NCOA7: variants seen among roughly 807,000 people sequenced by gnomAD.
The protein encoded by NCOA7 is 140 kDa estrogen receptor-associated protein.
A neutral mutation model predicts 104.3 loss-of-function variants in NCOA7; 45 were observed. The ratio of observed to expected loss-of-function variants is 0.43; its 90% CI spans 0.34 to 0.55. NCOA7 has a LOEUF of 0.55. Ranked by LOEUF, NCOA7 falls within the 20% of genes least tolerant of loss-of-function variation. The pLI is 0.02. For missense variants in NCOA7, 1,041 were observed against 1,119.7 expected, an observed-to-expected ratio of 0.93 and a Z score of 1.00; for synonymous variants, 398 against 402.3, an observed-to-expected ratio of 0.99 and a Z score of 0.13.
intron 2 of NCOA7, among the ~76,000 whole-genome samples, chr6:125,820,349 C>T (rs1317630471): frequency 3.3e-5 from 5 of 152,230 alleles, no homozygotes; most frequent in Non-Finnish European, 5.9e-5. Flanking sequence ...CTTTACCTTA[C>T]ATTTCTTCAG....
At chr6:125,782,666 A>T (rs1485706952) in intron 1 of NCOA7, among the ~76,000 whole-genome samples, 1 of 152,186 alleles carries the variant, frequency 6.6e-6, no homozygotes, top group Non-Finnish European at 1.5e-5. Context: ...GTCAATTTAA[A>T]TATTTCTTCT....
chr6:125,909,734 C>T (rs1242127838), intron 10 of NCOA7, among the ~76,000 whole-genome samples: 3 of 151,876 alleles, frequency 2.0e-5, no homozygotes, highest in Non-Finnish European at 2.9e-5. Flanking sequence ...CACTTGAACT[C>T]GGGAGGCAGA....
chr6:125,927,338 A>G (rs1334140393), intron 13 of NCOA7, among the ~76,000 whole-genome samples: 2 of 152,218 alleles, frequency 1.3e-5, no homozygotes, highest in Non-Finnish European at 2.9e-5. Context: ...TGTTATGTAT[A>G]TTCAATAACA....
intron 3 of NCOA7, among the ~76,000 whole-genome samples, chr6:125,861,347 C>A (rs1782034319): frequency 6.6e-6 from 1 of 152,034 alleles, no homozygotes; most frequent in Non-Finnish European, 1.5e-5. Context: ...CTTCGTTTTA[C>A]TTGGCAAGTT....
At chr6:125,926,385 T>A (rs1788037419) in intron 13 of NCOA7, among the ~76,000 whole-genome samples, 1 of 151,888 alleles carries the variant, frequency 6.6e-6, no homozygotes, top group Non-Finnish European at 1.5e-5. Context: ...ATGGAGGGTG[T>A]GAAAGTAAAG....
chr6:125,793,307 G>C (rs1335623534), intron 1 of NCOA7, among the ~76,000 whole-genome samples: 1 of 152,070 alleles, frequency 6.6e-6, no homozygotes, highest in Non-Finnish European at 1.5e-5. Context: ...TTTCAAAAAA[G>C]CCCTCCCCTT....
chr6:125,797,748 G>A (rs3813375), intron 1 of NCOA7: 16,142 of 152,194 alleles, frequency 0.11, 2,511 homozygotes, highest in African/African-American at 0.34. Flanking sequence ...GCTCAGTTCT[G>A]TGGTTGCAGG....
chr6:125,887,515 A>G (rs1338046512), intron 8 of NCOA7, among the ~76,000 whole-genome samples: 5 of 152,244 alleles, frequency 3.3e-5, no homozygotes, highest in Non-Finnish European at 7.3e-5. Flanking sequence ...GAAATGAATT[A>G]TAAATTATGA....
At chr6:125,811,813 A>G (rs1204533384) in intron 1 of NCOA7, among the ~76,000 whole-genome samples, 1 of 152,166 alleles carries the variant, frequency 6.6e-6, no homozygotes, top group African/African-American at 2.4e-5. Context: ...GGAGGTCCTC[A>G]ATGACCTCCC....
chr6:125,894,340 G>T (rs9385389), intron 10 of NCOA7, among the ~76,000 whole-genome samples: 3 of 151,738 alleles, frequency 2.0e-5, no homozygotes, highest in East Asian at 3.9e-4. Context: ...TACTAGACTC[G>T]GGCCTCTGTA....
At chr6:125,846,709 G>A (rs1038915282) in intron 2 of NCOA7, among the ~76,000 whole-genome samples, 7 of 152,240 alleles carry the variant, frequency 4.6e-5, no homozygotes, top group Non-Finnish European at 8.8e-5. Flanking sequence ...CACATTTAGA[G>A]GGGCTTCGGG....
intron 2 of NCOA7, among the ~76,000 whole-genome samples, chr6:125,835,150 A>G (rs917070637): frequency 7.9e-5 from 12 of 152,220 alleles, no homozygotes; most frequent in Admixed American, 2.0e-4. Flanking sequence ...GAGTTCCCCA[A>G]TAATGCAGCC....
intron 1 of NCOA7, among the ~76,000 whole-genome samples, chr6:125,796,187 A>G (rs553663506): frequency 2.2e-4 from 34 of 152,244 alleles, no homozygotes; most frequent in African/African-American, 7.7e-4. Context: ...TATATTAGCT[A>G]TGTTATAGCT....
chr6:125,803,619 G>A (rs908061359), intron 1 of NCOA7, among the ~76,000 whole-genome samples: 3 of 152,188 alleles, frequency 2.0e-5, no homozygotes, highest in Non-Finnish European at 4.4e-5. Flanking sequence ...ATGTATGCCA[G>A]TATATTTTGA....
At chr6:125,844,069 G>C (rs1328096466) in intron 2 of NCOA7, among the ~76,000 whole-genome samples, 1 of 152,204 alleles carries the variant, frequency 6.6e-6, no homozygotes, top group Admixed American at 6.6e-5. Flanking sequence ...GGTCTTCTAA[G>C]ACCTGCTGAC....
At chr6:125,840,829 AT>A (rs1032521310) in intron 2 of NCOA7, among the ~76,000 whole-genome samples, 2 of 75,938 alleles carry the variant, frequency 2.6e-5, no homozygotes, top group Non-Finnish European at 5.4e-5. Flanking sequence ...TTAATACCAT[AT>A]TTTTATTTTA....
At chr6:125,860,177 A>G (rs566577908) in intron 3 of NCOA7, among the ~76,000 whole-genome samples, 1 of 152,234 alleles carries the variant, frequency 6.6e-6, no homozygotes, top group African/African-American at 2.4e-5. Context: ...GTTTGGGTAA[A>G]CTCTTAAGGA....
At chr6:125,841,248 T>C (rs1205227675) in intron 2 of NCOA7, among the ~76,000 whole-genome samples, 3 of 152,104 alleles carry the variant, frequency 2.0e-5, no homozygotes, top group Non-Finnish European at 2.9e-5. Flanking sequence ...TACAACTGCC[T>C]ACAGGATTCA....
chr6:125,922,737 G>A lies in NCOA7; in HGVS notation c.2426G>A (p.Ser809Asn). Reference protein sequence around the residue: ...VQGYPWRLAYSTLEHGTSLKT... With the variant: ...VQGYPWRLAYNTLEHGTSLKT... ...GGGTATCCATGGAGACTGGCCTATA[G>A]CACGTTAGAGCACGGGACCAGCTTA... Residue 809 changes from serine to asparagine, a missense_variant, in exon 13 of 16, where the codon AGC (serine) becomes AAC (asparagine). By Grantham distance (46) the Ser-to-Asn change is conservative. Transcript: ENST00000392477. 1 of 1,614,040 alleles carries A rather than the reference G, an allele frequency of 6.2e-7. No homozygotes were observed. Among genetic ancestry groups the A allele is most frequent in the Admixed American group, 1.7e-5 (1 of 60,006 alleles).
Sources: allele counts gnomAD v4.1 joint callset (sites outside exome capture counted in the v4.1 genomes callset), GRCh38; gene constraint gnomAD v4.1.1; transcripts MANE v1.5; gene names NCBI Gene and HGNC (gene_info 2026-07-23, HGNC 2026-07-21).